The following SIK2 variants were observed in gnomAD, a reference collection of about 807,000 sequenced individuals.
SIK2 encodes salt inducible kinase 2.
A neutral mutation model predicts 103.2 loss-of-function variants in SIK2; 29 were observed. The observed-to-expected ratio is 0.28, with a 90% CI of 0.21 to 0.38. SIK2 has a LOEUF of 0.38. Ranked by LOEUF, SIK2 falls within the 10% of genes least tolerant of loss-of-function variation. The probability of loss-of-function intolerance (pLI) is 1.00; values close to 1 mark genes in which losing one functional copy is unlikely to be tolerated. For missense variants in SIK2, 879 were observed against 1,171.0 expected (o/e 0.75, Z 3.64); for synonymous variants, 412 against 446.1 (o/e 0.92, Z 0.96).
At chr11:111,615,288 TAAA>T (rs372263613) in intron 1 of SIK2, among the ~76,000 whole-genome samples, 16 of 134,350 alleles carry the variant, frequency 1.2e-4, no homozygotes, top group Admixed American at 1.5e-4. Flanking sequence ...CCATCTGCAT[TAAA>T]AAAAAAAAAA....
chr11:111,634,487 A>T (rs1942079503), intron 3 of SIK2, among the ~76,000 whole-genome samples: 1 of 152,058 alleles, frequency 6.6e-6, no homozygotes, highest in African/African-American at 2.4e-5. Context: ...CCAGCGTCCC[A>T]GGTCAGTATT....
At position 111,602,450 on chromosome 11, in the gene SIK2, A is replaced by C. The variant is rs1941594693; in HGVS notation, c.-114A>C. ...GCTGGGCCCTGGGGAGCGGGAGGGA[A>C]GGAGCGAAGGAGCGAAGGAGCAAGC... On this transcript the variant is annotated 5_prime_UTR_variant, in exon 1 of 15. Transcript: ENST00000304987. This position sits in a 1 kb window ranked among gnomAD's most constrained non-coding sequence, Gnocchi z 4.5. The C allele has an allele frequency of 7.8e-6, 9 of 1,153,898 alleles. No homozygotes were observed. The highest frequency in any genetic ancestry group is 7.9e-6 in the Non-Finnish European group (7 of 882,860). 71.5% of individuals were successfully genotyped at this position (1,153,898 alleles called of 1,614,324 possible). A position where few individuals can be genotyped will look rare whatever the true frequency, so the allele number is the denominator to read the frequency against.
At chr11:111,721,111 G>C (rs1257199100) in intron 12 of SIK2, 49 bp downstream of exon 12, 3 of 1,559,952 alleles carry the variant, frequency 1.9e-6, no homozygotes, top group Non-Finnish European at 2.6e-6. Flanking sequence ...GATGAGGTGT[G>C]AGTTTGTCCT....
At chr11:111,630,431 G>C (rs978928627) in intron 3 of SIK2, among the ~76,000 whole-genome samples, 2 of 151,982 alleles carry the variant, frequency 1.3e-5, no homozygotes, top group African/African-American at 4.8e-5. Flanking sequence ...ACCTCATATA[G>C]TTAACCATCT....
At chr11:111,609,383 G>A (rs1047852854) in intron 1 of SIK2, among the ~76,000 whole-genome samples, 2 of 151,938 alleles carry the variant, frequency 1.3e-5, no homozygotes, top group African/African-American at 2.4e-5. Flanking sequence ...GTACAGTTGC[G>A]AGATTACACC....
intron 3 of SIK2, among the ~76,000 whole-genome samples, chr11:111,645,350 A>G (rs751714868): frequency 1.9e-4 from 29 of 152,360 alleles, no homozygotes; most frequent in Middle Eastern, 6.8e-3. Context: ...AATACTTTGT[A>G]GTATAGTCAT....
At chr11:111,678,339 A>G (rs181000351) in intron 3 of SIK2, among the ~76,000 whole-genome samples, 5 of 152,364 alleles carry the variant, frequency 3.3e-5, no homozygotes, top group African/African-American at 1.2e-4. Context: ...TCATGAGGCC[A>G]AAGTGCCAAG....
At chr11:111,616,679 A>G (rs1941810748) in intron 2 of SIK2, among the ~76,000 whole-genome samples, 1 of 151,916 alleles carries the variant, frequency 6.6e-6, no homozygotes, top group African/African-American at 2.4e-5. Context: ...TCTACCAAAA[A>G]ATATATATAT....
chr11:111,690,272 CTT>C (rs67405245), intron 4 of SIK2, among the ~76,000 whole-genome samples: 58 of 130,414 alleles, frequency 4.4e-4, no homozygotes, highest in East Asian at 7.2e-4. Flanking sequence ...GAAGGTCTTT[CTT>C]TTTTTTTTTT....
At chr11:111,651,452 G>A (rs915430779) in intron 3 of SIK2, among the ~76,000 whole-genome samples, 8 of 152,288 alleles carry the variant, frequency 5.3e-5, no homozygotes, top group Admixed American at 2.0e-4. Flanking sequence ...AACACCACAT[G>A]TTCTCACTTA....
intron 3 of SIK2, among the ~76,000 whole-genome samples, chr11:111,681,348 G>T (rs1247587557): frequency 6.6e-6 from 1 of 152,182 alleles, no homozygotes; most frequent in Non-Finnish European, 1.5e-5. Flanking sequence ...CTTGACTGGG[G>T]TAATGAAAGG....
At chr11:111,679,083 G>A (rs1024963482) in intron 3 of SIK2, among the ~76,000 whole-genome samples, 1 of 152,080 alleles carries the variant, frequency 6.6e-6, no homozygotes, top group African/African-American at 2.4e-5. Flanking sequence ...ATCTAGAAAT[G>A]TATTTTACTT....
At position 111,722,876 on chromosome 11, in the gene SIK2, T is replaced by C; in HGVS notation, c.2147+120T>C. ...ACTAGGAAAATAGGTTTTCTGCGTG[T>C]GTCACAGGCCCTCTGAGCACGATTA... is the stretch of plus-strand genomic sequence containing the variant. On this transcript the variant is annotated intron_variant, in intron 14 of 14. Transcript: ENST00000304987. The surrounding 1 kb of genome is among the most constrained non-coding windows in gnomAD (Gnocchi z 4.4). 1.2e-6 allele frequency: 1 copy of C among 863,524 alleles called. No homozygotes were observed. The allele number at this position is 863,524 out of a possible 1,614,324, so 53.5% of individuals were successfully genotyped here.
At chr11:111,604,558 T>C (rs962317715) in intron 1 of SIK2, among the ~76,000 whole-genome samples, 3 of 152,212 alleles carry the variant, frequency 2.0e-5, no homozygotes, top group Non-Finnish European at 4.4e-5. Context: ...GTGTCCGTTT[T>C]AAACTAATAT....
chr11:111,646,318 G>A (rs1028669604), intron 3 of SIK2, among the ~76,000 whole-genome samples: 16 of 152,006 alleles, frequency 1.1e-4, no homozygotes, highest in South Asian at 2.1e-4. Context: ...GTGTGGTGGC[G>A]CATGCCTGTA....
chr11:111,625,412 C>A (rs1941948378), intron 3 of SIK2, among the ~76,000 whole-genome samples: 1 of 152,004 alleles, frequency 6.6e-6, no homozygotes, highest in South Asian at 2.1e-4. Flanking sequence ...GACTTCTCGA[C>A]AGGTGGAGAC....
At chr11:111,634,006 A>C (rs944403421) in intron 3 of SIK2, among the ~76,000 whole-genome samples, 1 of 152,190 alleles carries the variant, frequency 6.6e-6, no homozygotes, top group African/African-American at 2.4e-5. Flanking sequence ...ATGTGCAGTA[A>C]ATGGCACAAA....
At chr11:111,708,669 A>G (rs899405665) in intron 8 of SIK2, among the ~76,000 whole-genome samples, 3 of 152,096 alleles carry the variant, frequency 2.0e-5, no homozygotes, top group South Asian at 2.1e-4. Flanking sequence ...CTTTAGCCTC[A>G]ACCTCCTGGG....
intron 3 of SIK2, among the ~76,000 whole-genome samples, chr11:111,679,626 C>T (rs1942751482): frequency 6.6e-6 from 1 of 152,114 alleles, no homozygotes; most frequent in Admixed American, 6.6e-5. Context: ...GGGTAACCCA[C>T]GTTATCCTAA....
Sources: allele counts gnomAD v4.1 joint callset (sites outside exome capture counted in the v4.1 genomes callset), GRCh38; gene constraint gnomAD v4.1.1; non-coding constraint Gnocchi (gnomAD v3.1); transcripts MANE v1.5; gene names NCBI Gene and HGNC (gene_info 2026-07-23, HGNC 2026-07-21).